Variants in SERTM1 observed in about 807,000 individuals in gnomAD.
The protein encoded by SERTM1 is serine-rich and transmembrane domain-containing protein 1.
In SERTM1, 1 loss-of-function variant was observed where a neutral mutation model predicts 5.5. The observed-to-expected ratio is 0.18, with a 90% CI of 0.06 to 0.86. The LOEUF (loss-of-function observed/expected upper bound fraction) is 0.86. SERTM1 is among the 40% of genes least tolerant of loss of function. The pLI is 0.69. For synonymous variants in SERTM1, 52 were observed against 55.1 expected (o/e 0.94, Z 0.25); for missense variants, 91 against 122.4 (o/e 0.74, Z 1.21).
intron 1 of SERTM1, among the ~76,000 whole-genome samples, chr13:36,675,768 T>C (rs2056666025): frequency 6.6e-6 from 1 of 152,188 alleles, no homozygotes; most frequent in Non-Finnish European, 1.5e-5. Context: ...CCTCAGCCCA[T>C]GCCCTAGTCA....
chr13:36,691,445 C>A (rs78646018), intron 1 of SERTM1, among the ~76,000 whole-genome samples: 1,625 of 152,250 alleles, frequency 0.011, 37 homozygotes, highest in African/African-American at 0.037. Flanking sequence ...TCCTTCCTCA[C>A]TTCACTAGGG....
At chr13:36,674,636 T>TG (rs2056658620) in intron 1 of SERTM1, among the ~76,000 whole-genome samples, 1 of 152,146 alleles carries the variant, frequency 6.6e-6, no homozygotes, top group African/African-American at 2.4e-5. Context: ...TTGTGGTGTG[T>TG]GGAGGGTCAT....
intron 1 of SERTM1, among the ~76,000 whole-genome samples, chr13:36,675,223 T>TG (rs58797631): frequency 0.24 from 36,151 of 152,158 alleles, 4,491 homozygotes; most frequent in African/African-American, 0.28. Flanking sequence ...AGTACTTCAG[T>TG]GTTCTTTGTG....
chr13:36,688,530 G>A (rs1043694261), intron 1 of SERTM1, among the ~76,000 whole-genome samples: 2 of 152,050 alleles, frequency 1.3e-5, no homozygotes, highest in East Asian at 3.9e-4. Context: ...TTTCTGAAAG[G>A]TTGTCTAGTT....
Position 36,681,869 on chromosome 13 carries a change from C to G in SERTM1, c.-174+7685C>G, listed in dbSNP as rs143814325. Among the ~76,000 whole-genome samples the G allele has an allele frequency of 3.8e-3, 583 of 152,310 alleles. 2 individuals are homozygous for G. The highest frequency in any genetic ancestry group is 0.013 in the African/African-American group (549 of 41,556). ...CAAGAATGTATTTCAGTATTTCCAG[C>G]ACACTCCTCCATCCTTTCCTCAATT... On this transcript the variant is annotated intron_variant, in intron 1 of 1. Coordinates refer to ENST00000315190, the MANE Select transcript of SERTM1 (RefSeq NM_203451.3).
intron 1 of SERTM1, among the ~76,000 whole-genome samples, chr13:36,688,643 T>C (rs2056757767): frequency 6.6e-6 from 1 of 152,220 alleles, no homozygotes; most frequent in Non-Finnish European, 1.5e-5. Flanking sequence ...ACTTCTAAAA[T>C]ATTGGAAATG....
intron 1 of SERTM1, among the ~76,000 whole-genome samples, chr13:36,676,928 T>A (rs1356166069): frequency 6.6e-6 from 1 of 152,200 alleles, no homozygotes; most frequent in Non-Finnish European, 1.5e-5. Context: ...GCCTAGAGGA[T>A]TCAAGCCAGA....
chr13:36,680,616 T>G (rs1192870721), intron 1 of SERTM1, among the ~76,000 whole-genome samples: 1 of 152,190 alleles, frequency 6.6e-6, no homozygotes, highest in East Asian at 1.9e-4. Flanking sequence ...ACTTAACTTT[T>G]GGGGGTGTCA....
In SERTM1 at chr13:36,697,259, C is replaced by T. The variant is rs938604724; in HGVS notation, c.*1857C>T. 2.5e-5 allele frequency: 4 copies of T among 162,336 alleles called. No homozygotes were observed. In the East Asian group the frequency reaches 7.9e-4, roughly 32 times the overall value. 10.1% of individuals were successfully genotyped at this position (162,336 alleles called of 1,614,324 possible). ...GCTATTTTAGAGCATTATTAGCATT[C>T]TCTGAATATATGTATATATACATAT... On this transcript the variant is annotated 3_prime_UTR_variant, in exon 2 of 2. Coordinates refer to ENST00000315190, the MANE Select transcript of SERTM1 (RefSeq NM_203451.3).
At chr13:36,685,528 G>A (rs1277507932) in intron 1 of SERTM1, among the ~76,000 whole-genome samples, 2 of 152,180 alleles carry the variant, frequency 1.3e-5, no homozygotes. Context: ...TGATGACTGG[G>A]GAAAAGCACT....
chr13:36,676,501 G>C (rs1394777273), intron 1 of SERTM1, among the ~76,000 whole-genome samples: 1 of 152,032 alleles, frequency 6.6e-6, no homozygotes, highest in Non-Finnish European at 1.5e-5. Context: ...AATTATGGCT[G>C]AATTTTTGTG....
At chr13:36,688,559 AC>A (rs2056757293) in intron 1 of SERTM1, among the ~76,000 whole-genome samples, 1 of 152,162 alleles carries the variant, frequency 6.6e-6, no homozygotes, top group Non-Finnish European at 1.5e-5. Flanking sequence ...AATAAGCAAG[AC>A]TTTTTACTTT....
intron 1 of SERTM1, among the ~76,000 whole-genome samples, chr13:36,683,659 C>T (rs1454433435): frequency 6.6e-6 from 1 of 152,144 alleles, no homozygotes; most frequent in East Asian, 1.9e-4. Context: ...ACAATAACTG[C>T]AGCAGAGGGA....
intron 1 of SERTM1, among the ~76,000 whole-genome samples, chr13:36,677,845 T>C (rs569085051): frequency 3.0e-4 from 45 of 152,318 alleles, no homozygotes; most frequent in African/African-American, 1.1e-3. Flanking sequence ...ACCAGGATTA[T>C]ATCAGAGGGA....
intron 1 of SERTM1, among the ~76,000 whole-genome samples, chr13:36,679,476 C>T (rs949163429): frequency 1.1e-4 from 16 of 152,126 alleles, no homozygotes; most frequent in South Asian, 4.2e-4. Flanking sequence ...GGCGCAATCT[C>T]GGCTCACTGC....
chr13:36,679,942 A>T (rs2056693204), intron 1 of SERTM1, among the ~76,000 whole-genome samples: 1 of 152,228 alleles, frequency 6.6e-6, no homozygotes, highest in Non-Finnish European at 1.5e-5. Flanking sequence ...ATGCAAAAAA[A>T]AATATTAAAC....
At chr13:36,675,900 CTTA>C (rs1357582062) in intron 1 of SERTM1, among the ~76,000 whole-genome samples, 6 of 152,104 alleles carry the variant, frequency 3.9e-5, no homozygotes, top group Admixed American at 3.3e-4. Context: ...CTTTGAGGGG[CTTA>C]TTATTTTTGA....
At chr13:36,690,092 T>C (rs1215081104) in intron 1 of SERTM1, among the ~76,000 whole-genome samples, 1 of 152,222 alleles carries the variant, frequency 6.6e-6, no homozygotes, top group Non-Finnish European at 1.5e-5. Flanking sequence ...AAAAAGTAAA[T>C]TAAAAAGATT....
At chr13:36,677,390 A>C (rs1452695516) in intron 1 of SERTM1, among the ~76,000 whole-genome samples, 1 of 152,168 alleles carries the variant, frequency 6.6e-6, no homozygotes, top group Non-Finnish European at 1.5e-5. Context: ...TGAGTTCCTA[A>C]CTTTTAAATT....
Sources: gnomAD v4.1 joint callset for allele counts (sites outside exome capture counted in the v4.1 genomes callset) on GRCh38, gnomAD v4.1.1 for gene constraint, MANE v1.5 for transcripts, NCBI Gene and HGNC (gene_info 2026-07-23, HGNC 2026-07-21) for gene names.